Variants in MASP1 observed in about 807,000 individuals in gnomAD.
MASP1 encodes the protein mannan-binding lectin serine protease 1.
In MASP1, 59 loss-of-function variants were observed where a neutral mutation model predicts 77.1. The ratio of observed to expected loss-of-function variants is 0.77; its 90% CI spans 0.62 to 0.95. The LOEUF (loss-of-function observed/expected upper bound fraction) is 0.95. MASP1 is among the 40% of genes least tolerant of loss of function. MASP1 has a pLI of 0.00. For synonymous variants in MASP1, 362 were observed against 354.5 expected, an observed-to-expected ratio of 1.02 and a Z score of -0.24; for missense variants, 885 against 912.9, an observed-to-expected ratio of 0.97 and a Z score of 0.39.
chr3:187,269,423 A>C (rs1249220069), intron 2 of MASP1, among the ~76,000 whole-genome samples: 4 of 152,232 alleles, frequency 2.6e-5, no homozygotes, highest in African/African-American at 9.6e-5. Context: ...CCTGAGCCTC[A>C]GGTTTCTATG....
intron 5 of MASP1, among the ~76,000 whole-genome samples, chr3:187,253,736 G>A (rs940995041): frequency 6.6e-6 from 1 of 152,078 alleles, no homozygotes; most frequent in African/African-American, 2.4e-5. Flanking sequence ...ACTAACACAG[G>A]AGCAGAAAAC....
rs746195145 is a variant in MASP1, at chr3:187,236,303, T to C, written c.1568A>G (p.His523Arg). ...KEHVTVYLGLHDVRDKSGAVN... is the reference protein window; with the variant it reads ...KEHVTVYLGLRDVRDKSGAVN... ...TGCCCCCGATTTGTCTCGCACATCA[T>C]GCAAGCCCAGGTAGACGGTGACATG... is the stretch of plus-strand genomic sequence containing the variant. Residue 523 changes from histidine (H) to arginine (R), a missense_variant, in exon 11 of 11, where the codon CAT becomes CGT. Transcript: ENST00000296280. The C allele has an allele frequency of 9.3e-6, 15 of 1,614,256 alleles. No individual in the cohort carries two copies. Among genetic ancestry groups the C allele is most frequent in the East Asian group, 2.2e-5 (1 of 44,878 alleles).
chr3:187,226,383 T>A, intron 12 of MASP1: 1 of 1,544,324 alleles, frequency 6.5e-7, no homozygotes, highest in Non-Finnish European at 8.9e-7. Flanking sequence ...GCTTTGGGAG[T>A]CAGCTTGCCC....
chr3:187,287,683 G>C (rs2108614624), intron 1 of MASP1, among the ~76,000 whole-genome samples: 1 of 152,296 alleles, frequency 6.6e-6, no homozygotes, highest in Non-Finnish European at 1.5e-5. Context: ...ATATATAACA[G>C]ATTATAAATG....
intron 2 of MASP1, among the ~76,000 whole-genome samples, chr3:187,268,504 A>G (rs754292114): frequency 2.0e-5 from 3 of 151,146 alleles, no homozygotes; most frequent in Non-Finnish European, 4.4e-5. Context: ...TGAAAAAGAA[A>G]GAAAGAAAGA....
At position 187,236,394 on chromosome 3, in the gene MASP1, G is replaced by A; in HGVS notation, c.1477C>T (p.Leu493Phe). The A allele has an allele frequency of 1.2e-6, 2 of 1,614,208 alleles. No homozygotes were observed. Among genetic ancestry groups the A allele is most frequent in the Non-Finnish European group, 1.7e-6 (2 of 1,180,042 alleles). Residue 493 changes from leucine to phenylalanine, a missense_variant, in exon 11 of 11, where the codon CTC (leucine) becomes TTC (phenylalanine). By Grantham distance (22) the Leu-to-Phe change is conservative. Coordinates refer to ENST00000296280, the MANE Select transcript of MASP1 (RefSeq NM_139125.4). ...GAGCGCAGCACATGAGCTGCTGTGA[G>A]GATCCAGGACGCAGAGAGCAGGGCC... ...SGALLSASWI[L>F]TAAHVLRSQR...
chr3:187,233,404 C>G (rs559012616), downstream of MASP1, among the ~76,000 whole-genome samples: 72 of 152,294 alleles, frequency 4.7e-4, 1 homozygote, highest in African/African-American at 1.6e-3. Flanking sequence ...CTGCCCCTTC[C>G]CTCCTATCTC....
At chr3:187,233,507 T>TG (rs1712896797), downstream of MASP1, among the ~76,000 whole-genome samples, 1 of 152,228 alleles carries the variant, frequency 6.6e-6, no homozygotes, top group Admixed American at 6.5e-5. Flanking sequence ...TACTTAAATC[T>TG]CTGTTCCTTT....
chr3:187,229,711 A>C (rs1486083730), downstream of MASP1: 8 of 1,608,424 alleles, frequency 5.0e-6, no homozygotes, highest in Non-Finnish European at 6.8e-6. Flanking sequence ...TCAGTCTCCA[A>C]GGAGGGGGTT....
chr3:187,291,507 G>T lies in MASP1; in HGVS notation c.5+121C>A. The T allele has an allele frequency of 3.0e-6, 4 of 1,324,680 alleles. No homozygotes were observed. The South Asian group carries it at 3.6e-5, about 12-fold the overall frequency. The allele number at this position is 1,324,680 out of a possible 1,614,324, so 82.1% of individuals were successfully genotyped here. On this transcript the variant is annotated intron_variant, in intron 1 of 10. Coordinates refer to ENST00000296280, the MANE Select transcript of MASP1 (RefSeq NM_139125.4). ...CAGAGCCCTAAGAATTGATGAGAAAGCCCCTCACTACCACATGCAGGACAC... is the reference window on the plus strand; with the variant it reads ...CAGAGCCCTAAGAATTGATGAGAAATCCCCTCACTACCACATGCAGGACAC...
At chr3:187,231,596 T>C (rs1190232266), downstream of MASP1, among the ~76,000 whole-genome samples, 2 of 152,238 alleles carry the variant, frequency 1.3e-5, no homozygotes, top group African/African-American at 2.4e-5. Context: ...GATATCTACA[T>C]ACAGAGTAGG....
intron 5 of MASP1, 28 bp from the exon 6 acceptor site, chr3:187,253,343 A>G: frequency 6.2e-7 from 1 of 1,606,924 alleles, no homozygotes; most frequent in Non-Finnish European, 8.5e-7. Context: ...GAGAGAGAGA[A>G]ATAGAGTGTT....
At position 187,234,343 on chromosome 3, in the gene MASP1, A is replaced by G; in HGVS notation, c.*1341T>C. On this transcript the variant is annotated 3_prime_UTR_variant, in exon 11 of 11. Transcript: ENST00000296280. Reference sequence around the variant, plus strand: ...AGGAGAGAGAGCTCCAGGGAGAAGGAGAACAATCAGCCCTGTGAGGGCCAG... The same window carrying G: ...AGGAGAGAGAGCTCCAGGGAGAAGGGGAACAATCAGCCCTGTGAGGGCCAG... 1 of 1,287,104 alleles carries G rather than the reference A, an allele frequency of 7.8e-7. No homozygotes were observed. Among genetic ancestry groups the G allele is most frequent in the Non-Finnish European group, 1.0e-6 (1 of 988,588 alleles). 79.7% of individuals were successfully genotyped at this position (1,287,104 alleles called of 1,614,324 possible).
At chr3:187,250,748 G>A (rs6797981) in intron 7 of MASP1, among the ~76,000 whole-genome samples, 11 of 152,230 alleles carry the variant, frequency 7.2e-5, no homozygotes, top group Admixed American at 2.0e-4. Flanking sequence ...ACAAGTTCCC[G>A]GTGATGCTGA....
rs773167247 is a variant in MASP1 at position 187,223,238 on chromosome 3, G to T, written c.1742-44C>A. On this transcript the variant is annotated intron_variant, in intron 13 of 15. Transcript: ENST00000337774. ...TGTGAGAACAGAGAAGCTATCTGTG[G>T]GGTGTTTGGAGGGGTGCAGCTTGCA... The T allele has an allele frequency of 2.6e-6, 4 of 1,526,710 alleles. No individual in the cohort carries two copies. In the South Asian group the frequency reaches 4.5e-5, roughly 17 times the overall value. 94.6% of individuals were successfully genotyped at this position (1,526,710 alleles called of 1,614,324 possible).
At chr3:187,226,195 C>G (rs981539839) in intron 12 of MASP1, 9 of 578,822 alleles carry the variant, frequency 1.6e-5, no homozygotes, top group East Asian at 6.0e-5. Flanking sequence ...CGTTGTGAAA[C>G]TGAAGCATAG....
chr3:187,236,350 C>T lies in MASP1; in HGVS notation c.1521G>A (p.Thr507=), dbSNP rs139497497. The part of the protein sequence containing the change: ...HVLRSQRRDT[T]VIPVSKEHVT... ...CATGCTCCTTGGAGACTGGTATCAC[C>T]GTGGTGTCTCTACGCTGGGAGCGCA... is the stretch of plus-strand genomic sequence containing the variant. Residue 507 remains threonine, a synonymous_variant, in exon 11 of 11, where the codon ACG becomes ACA. Transcript: ENST00000296280. 4,230 of 1,614,204 alleles carry T rather than the reference C, an allele frequency of 2.6e-3. 8 individuals carry two copies. Among genetic ancestry groups the T allele is most frequent in the Non-Finnish European group, 3.3e-3 (3,910 of 1,180,038 alleles).
In MASP1 at chr3:187,241,529, C is replaced by A; in HGVS notation, c.1255G>T (p.Val419Phe). 2 of 1,613,738 alleles carry A rather than the reference C, an allele frequency of 1.2e-6. No homozygotes were observed. Among genetic ancestry groups the A allele is most frequent in the East Asian group, 2.2e-5 (1 of 44,866 alleles). ...CTCCCCAATACTTTATTCATCCAGA[C>A]TCCTTGGGCAGAACAGGTATATATA... Reference protein sequence around the residue: ...TGIYTCSAQGVWMNKVLGRSL... With the variant: ...TGIYTCSAQGFWMNKVLGRSL... Residue 419 changes from valine (V) to phenylalanine (F), a missense_variant, in exon 10 of 11, where the codon GTC becomes TTC. Coordinates refer to ENST00000296280, the MANE Select transcript of MASP1 (RefSeq NM_139125.4).
intron 2 of MASP1, among the ~76,000 whole-genome samples, chr3:187,272,685 C>T (rs1009840685): frequency 6.6e-6 from 1 of 152,140 alleles, no homozygotes; most frequent in African/African-American, 2.4e-5. Context: ...CCGCCTACAA[C>T]TGCCTATTCT....
Sources: allele counts gnomAD v4.1 joint callset (sites outside exome capture counted in the v4.1 genomes callset), GRCh38; gene constraint gnomAD v4.1.1; transcripts MANE v1.5; gene names NCBI Gene and HGNC (gene_info 2026-07-23, HGNC 2026-07-21).